EMILIN2: variants seen among roughly 807,000 people sequenced by gnomAD.
EMILIN2 encodes elastin microfibril interfacer 2.
Under a neutral mutation model 87.1 loss-of-function variants are expected in EMILIN2, and 71 were observed. The observed-to-expected ratio is 0.82, with a 90% confidence interval of 0.67 to 0.99. The LOEUF (loss-of-function observed/expected upper bound fraction) is 0.99, where lower values mean the gene tolerates loss of function less well. EMILIN2 is among the 50% of genes least tolerant of loss of function. The pLI is 0.00. For synonymous variants in EMILIN2, 581 were observed against 563.4 expected, an observed-to-expected ratio of 1.03 and a Z score of -0.44; for missense variants, 1,407 against 1,371.8, an observed-to-expected ratio of 1.03 and a Z score of -0.40.
Position 2,892,236 on chromosome 18 carries a change from G to C in EMILIN2, c.2109G>C (p.Glu703Asp). The C allele has an allele frequency of 6.2e-7, 1 of 1,612,446 alleles. No homozygotes were observed. The highest frequency in any genetic ancestry group is 8.5e-7 in the Non-Finnish European group (1 of 1,178,702). ...TCCAGAGGGAGGTCTCCATGGTGGA[G>C]GGCAGGGTGTCTCATATGGAGAAAA... Reference protein sequence around the residue: ...QGVQREVSMVEGRVSHMEKTC... With the variant: ...QGVQREVSMVDGRVSHMEKTC... The change falls in exon 4 of 8, where the codon GAG becomes GAC. Residue 703 changes from glutamate to aspartate, a missense_variant. Glu to Asp is a conservative substitution (Grantham distance 45). Transcript: ENST00000254528.
rs140356934 is a variant in EMILIN2 at position 2,862,112 on chromosome 18, A to G, written c.257+14181A>G. Among the ~76,000 whole-genome samples, 73 of 152,324 alleles carry G rather than the reference A, an allele frequency of 4.8e-4. 1 individual carries two copies. The East Asian group carries it at 0.013, about 28-fold the overall frequency. ...TCCTGAGACTTTGCTGAAGTTGCCT[A>G]TCAGCTTAAGGAGATTTTGGGCTGA... On this transcript the variant is annotated intron_variant, in intron 2 of 7. Transcript: ENST00000254528.
At position 2,890,966 on chromosome 18, in the gene EMILIN2, T is replaced by C. The variant is rs1476105291; in HGVS notation, c.839T>C (p.Leu280Pro). Residue 280 changes from leucine (L) to proline (P), a missense_variant, in exon 4 of 8, where the codon CTG becomes CCG. Transcript: ENST00000254528. This position sits in a 1 kb window ranked among gnomAD's most constrained non-coding sequence, Gnocchi z 4.7. ...KDTLKNKSDK[L>P]EELDGKVKGY... ...ACTCTAAAGAACAAAAGTGACAAGCTGGAAGAGCTGGATGGAAAAGTGAAG... is the reference window on the plus strand; with the variant it reads ...ACTCTAAAGAACAAAAGTGACAAGCCGGAAGAGCTGGATGGAAAAGTGAAG... 8 of 1,613,978 alleles carry C rather than the reference T, an allele frequency of 5.0e-6. No individual in the cohort carries two copies. Among genetic ancestry groups the C allele is most frequent in the Non-Finnish European group, 6.8e-6 (8 of 1,180,034 alleles).
At position 2,915,888 on chromosome 18, in the gene EMILIN2, G is replaced by C. The variant is rs765103946; in HGVS notation, c.*2484G>C. ...GTCAGGACACTTCTTAAGTAGAGAAGGACTGTGACATCCCCTCCAAACCTC... is the reference window on the plus strand; with the variant it reads ...GTCAGGACACTTCTTAAGTAGAGAACGACTGTGACATCCCCTCCAAACCTC... On this transcript the variant is annotated 3_prime_UTR_variant, in exon 8 of 8. Transcript: ENST00000254528. The C allele has an allele frequency of 3.3e-5, 5 of 152,284 alleles. No individual in the cohort carries two copies. The highest frequency in any genetic ancestry group is 2.1e-4 in the South Asian group (1 of 4,828). 9.4% of individuals were successfully genotyped at this position (152,284 alleles called of 1,614,324 possible). A position where few individuals can be genotyped will look rare whatever the true frequency, so the allele number is the denominator to read the frequency against.
At position 2,891,079 on chromosome 18, in the gene EMILIN2, G is replaced by A. The variant is rs1351725068; in HGVS notation, c.952G>A (p.Val318Met). 1.2e-6 allele frequency: 2 copies of A among 1,614,208 alleles called. No homozygotes were observed. The highest frequency in any genetic ancestry group is 1.7e-6 in the Non-Finnish European group (2 of 1,180,046). ...MTTNELYQAY[V>M]DSKIDALREE... ...AACCAACGAACTCTACCAAGCCTAT[G>A]TGGACAGTAAGATCGACGCCCTGAG... The change falls in exon 4 of 8, where the codon GTG becomes ATG. Residue 318 changes from valine to methionine, a missense_variant. Coordinates refer to ENST00000254528, the MANE Select transcript of EMILIN2 (RefSeq NM_032048.3). The surrounding 1 kb of genome is among the most constrained non-coding windows in gnomAD (Gnocchi z 4.6).
intron 3 of EMILIN2, among the ~76,000 whole-genome samples, chr18:2,889,696 T>C (rs1392241246): frequency 4.2e-5 from 6 of 143,602 alleles, no homozygotes; most frequent in African/African-American, 7.9e-5. Context: ...TCTTTTCTTT[T>C]TTTTTTTTTT....
intron 2 of EMILIN2, among the ~76,000 whole-genome samples, chr18:2,863,300 A>G (rs2076670468): frequency 6.6e-6 from 1 of 151,886 alleles, no homozygotes; most frequent in African/African-American, 2.4e-5. Flanking sequence ...TAGTTCTTTT[A>G]ATTGTGATGT....
At chr18:2,878,623 C>CA (rs1157327122) in intron 2 of EMILIN2, among the ~76,000 whole-genome samples, 1 of 152,174 alleles carries the variant, frequency 6.6e-6, no homozygotes, top group Non-Finnish European at 1.5e-5. Flanking sequence ...CCGGGTAACC[C>CA]AACCCAGTCT....
At position 2,890,871 on chromosome 18, in the gene EMILIN2, T is replaced by G. The variant is rs760263461; in HGVS notation, c.744T>G (p.Ser248Arg). 6.2e-7 allele frequency: 1 copy of G among 1,613,250 alleles called. No homozygotes were observed. The highest frequency in any genetic ancestry group is 8.5e-7 in the Non-Finnish European group (1 of 1,179,912). ...GTGGAGACACAGAAACGGGCCAGAGTCCTGGTGTCTTCAACACTAAGGAAT... is the reference window on the plus strand; with the variant it reads ...GTGGAGACACAGAAACGGGCCAGAGGCCTGGTGTCTTCAACACTAAGGAAT... ...TVSGDTETGQ[S>R]PGVFNTKESG... The change falls in exon 4 of 8, where the codon AGT (serine) becomes AGG (arginine). Residue 248 changes from serine to arginine, a missense_variant. Coordinates refer to ENST00000254528, the MANE Select transcript of EMILIN2 (RefSeq NM_032048.3). This position sits in a 1 kb window ranked among gnomAD's most constrained non-coding sequence, Gnocchi z 4.7.
chr18:2,892,129 A>G lies in EMILIN2; in HGVS notation c.2002A>G (p.Ser668Gly). The G allele has an allele frequency of 1.2e-6, 2 of 1,610,846 alleles. No homozygotes were observed. Among genetic ancestry groups the G allele is most frequent in the Admixed American group, 3.3e-5 (2 of 59,854 alleles). Residue 668 changes from serine (S) to glycine (G), a missense_variant, in exon 4 of 8, where the codon AGT (serine) becomes GGT (glycine). By Grantham distance (56) the Ser-to-Gly change is moderately conservative. Coordinates refer to ENST00000254528, the MANE Select transcript of EMILIN2 (RefSeq NM_032048.3). ...SPQHPVAHCC[S>G]QLEERWQRLQ... The stretch of plus-strand genomic sequence containing the variant: ...CCAGCACCCCGTGGCTCATTGCTGC[A>G]GTCAGCTGGAGGAGAGGTGGCAGAG...
chr18:2,870,554 G>A (rs927424470), intron 2 of EMILIN2, among the ~76,000 whole-genome samples: 4 of 152,216 alleles, frequency 2.6e-5, no homozygotes, highest in Non-Finnish European at 4.4e-5. Context: ...ATAAAAGGTG[G>A]GAATGAGAAT....
At chr18:2,884,025 G>C (rs1248531) in intron 2 of EMILIN2, among the ~76,000 whole-genome samples, 70,921 of 150,462 alleles carry the variant, frequency 0.47, 17,041 homozygotes, top group South Asian at 0.5. Flanking sequence ...GCGCGATCTC[G>C]GCTCACTGCA....
chr18:2,859,755 G>T lies in EMILIN2; in HGVS notation c.257+11824G>T, dbSNP rs1297018134. ...TTGAGTTGATTTTTGTGTAAGGTGA[G>T]AGATGAGGATCCAGTTTCATTCTTC... is the stretch of plus-strand genomic sequence containing the variant. On this transcript the variant is annotated intron_variant, in intron 2 of 7. Coordinates refer to ENST00000254528, the MANE Select transcript of EMILIN2 (RefSeq NM_032048.3). Among the ~76,000 whole-genome samples the T allele has an allele frequency of 8.5e-5, 13 of 152,200 alleles. 1 individual carries two copies. Among genetic ancestry groups the T allele is most frequent in the Admixed American group, 8.5e-4 (13 of 15,268 alleles).
chr18:2,904,879 CCAGCTAGAGGTATAAG>C (rs1486048396), intron 4 of EMILIN2, among the ~76,000 whole-genome samples: 1 of 152,178 alleles, frequency 6.6e-6, no homozygotes, highest in Non-Finnish European at 1.5e-5. Context: ...CCTCCTATAT[CCAGCTAGAGGTATAAG>C]CAAGTGGCTG....
Position 2,891,394 on chromosome 18 carries a change from A to C in EMILIN2, c.1267A>C (p.Thr423Pro). ...DQKIERVAEA[T>P]RMLNGRLDNE... Reference sequence around the variant, plus strand: ...GAAAATCGAGAGAGTTGCTGAAGCCACCAGAATGCTGAATGGAAGACTGGA... The same window carrying C: ...GAAAATCGAGAGAGTTGCTGAAGCCCCCAGAATGCTGAATGGAAGACTGGA... Residue 423 changes from threonine to proline, a missense_variant, in exon 4 of 8, where the codon ACC becomes CCC. Transcript: ENST00000254528. The surrounding 1 kb of genome is among the most constrained non-coding windows in gnomAD (Gnocchi z 4.6). 6.2e-7 allele frequency: 1 copy of C among 1,614,242 alleles called. No individual in the cohort carries two copies. Among genetic ancestry groups the C allele is most frequent in the Non-Finnish European group, 8.5e-7 (1 of 1,180,042 alleles).
chr18:2,883,474 T>G (rs1302430465), intron 2 of EMILIN2, among the ~76,000 whole-genome samples: 1 of 152,182 alleles, frequency 6.6e-6, no homozygotes, highest in Admixed American at 6.5e-5. Context: ...GAAGAGGAGC[T>G]GAAGAGCTTC....
At chr18:2,908,274 C>T (rs1010582737) in intron 5 of EMILIN2, among the ~76,000 whole-genome samples, 2 of 152,162 alleles carry the variant, frequency 1.3e-5, no homozygotes, top group East Asian at 3.8e-4. Context: ...TCCGTGTATC[C>T]CTTCCATCCA....
chr18:2,875,576 C>T (rs972527328), intron 2 of EMILIN2, among the ~76,000 whole-genome samples: 3 of 152,194 alleles, frequency 2.0e-5, no homozygotes, highest in Admixed American at 6.5e-5. Flanking sequence ...AGCTAAGGCT[C>T]GTGGGATGCC....
intron 4 of EMILIN2, among the ~76,000 whole-genome samples, chr18:2,896,729 C>T (rs1272608526): frequency 1.3e-5 from 2 of 151,334 alleles, no homozygotes; most frequent in Admixed American, 6.6e-5. Context: ...TCCAGTGATT[C>T]GCCTGCCTCA....
chr18:2,876,440 C>T (rs16943962), intron 2 of EMILIN2, among the ~76,000 whole-genome samples: 34,107 of 151,852 alleles, frequency 0.22, 4,041 homozygotes, highest in Admixed American at 0.28. Context: ...ATTTTGAACA[C>T]ACTGCATTGG....
Sources: gnomAD v4.1 joint callset for allele counts (sites outside exome capture counted in the v4.1 genomes callset) on GRCh38, gnomAD v4.1.1 for gene constraint, Gnocchi (gnomAD v3.1) non-coding constraint, MANE v1.5 for transcripts, NCBI Gene and HGNC (gene_info 2026-07-23, HGNC 2026-07-21) for gene names.